GALNS: variants seen among roughly 807,000 people sequenced by gnomAD.
The protein encoded by GALNS is galactosamine (N-acetyl)-6-sulfatase.
Under a neutral mutation model 65.9 loss-of-function variants are expected in GALNS, and 65 were observed. The ratio of observed to expected loss-of-function variants is 0.99; its 90% CI spans 0.81 to 1.21. The LOEUF (loss-of-function observed/expected upper bound fraction) is 1.21, where lower values mean the gene tolerates loss of function less well. Among genes scored for constraint, GALNS ranks in the 50% most tolerant of loss-of-function variants. The probability of loss-of-function intolerance (pLI) is 0.00; values close to 1 mark genes in which losing one functional copy is unlikely to be tolerated. For missense variants in GALNS, 776 were observed against 700.7 expected (o/e 1.11, Z -1.21); for synonymous variants, 346 against 288.9 (o/e 1.20, Z -2.00).
chr16:88,848,706 G>A (rs1180866225), intron 1 of GALNS, among the ~76,000 whole-genome samples: 1 of 152,178 alleles, frequency 6.6e-6, no homozygotes, highest in African/African-American at 2.4e-5. Flanking sequence ...CAGCAGCCTC[G>A]GGGCCTGTGT....
chr16:88,854,768 T>C (rs1322223839), intron 1 of GALNS, among the ~76,000 whole-genome samples: 3 of 152,246 alleles, frequency 2.0e-5, no homozygotes, highest in Non-Finnish European at 2.9e-5. Flanking sequence ...GCGGCCCTGG[T>C]CTGTCGACTC....
At chr16:88,814,625 ACTCT>A (rs1363846453) in intron 13 of GALNS, 100 bp from the exon 14 acceptor site, 35 of 1,534,838 alleles carry the variant, frequency 2.3e-5, no homozygotes, top group Admixed American at 7.9e-5. Context: ...AGACAGTCTC[ACTCT>A]GTCACCCAGG....
rs370029645 is a variant in GALNS at position 88,816,677 on chromosome 16, G to A, written c.1482+1330C>T. 167 of 985,416 alleles carry A rather than the reference G, an allele frequency of 1.7e-4. No individual in the cohort carries two copies. In the East Asian group the frequency reaches 6.9e-3, roughly 41 times the overall value. The allele number at this position is 985,416 out of a possible 1,614,324, so 61.0% of individuals were successfully genotyped here. A position where few individuals can be genotyped will look rare whatever the true frequency, so the allele number is the denominator to read the frequency against. The stretch of plus-strand genomic sequence containing the variant: ...TGGCCGGTGCTCTCCTGTTACATCC[G>A]CCGGCCCACGCTGTGGCTCCCTGGC... On this transcript the variant is annotated intron_variant, in intron 13 of 13. Coordinates refer to ENST00000268695, the MANE Select transcript of GALNS (RefSeq NM_000512.5).
chr16:88,844,694 T>G (rs1597587498), intron 1 of GALNS: 1 of 152,330 alleles, frequency 6.6e-6, no homozygotes, highest in East Asian at 1.9e-4. Context: ...AACGACCAAG[T>G]TCACAGGCCC....
chr16:88,853,670 C>T (rs571064035), intron 1 of GALNS, among the ~76,000 whole-genome samples: 1 of 152,344 alleles, frequency 6.6e-6, no homozygotes, highest in East Asian at 1.9e-4. Context: ...CACCTGTCTC[C>T]AAGGCCCCAG....
intron 11 of GALNS, 35 bp downstream of exon 11, chr16:88,824,732 C>G: frequency 1.3e-6 from 2 of 1,570,066 alleles, no homozygotes; most frequent in Non-Finnish European, 1.8e-6. Context: ...GAGATGGGGG[C>G]AGCTCCGCCT....
intron 10 of GALNS, among the ~76,000 whole-genome samples, chr16:88,825,630 G>A (rs1188751541): frequency 6.6e-6 from 1 of 152,012 alleles, no homozygotes; most frequent in Non-Finnish European, 1.5e-5. Flanking sequence ...CGGGGCTAGG[G>A]TGCCTGGGCG....
intron 8 of GALNS, among the ~76,000 whole-genome samples, chr16:88,834,392 C>CT (rs1911857632): frequency 1.4e-5 from 1 of 69,938 alleles, no homozygotes; most frequent in Non-Finnish European, 2.9e-5. Context: ...GGCTGCAGGG[C>CT]CCCCCCGCGT....
rs1002791538 is a variant in GALNS, at chr16:88,835,967, G to A, written c.634-118C>T. On this transcript the variant is annotated intron_variant, in intron 6 of 13. Coordinates refer to ENST00000268695, the MANE Select transcript of GALNS (RefSeq NM_000512.5). The stretch of plus-strand genomic sequence containing the variant: ...GTTGGTGCGGTCCCCGTCCCCACGC[G>A]TCCCACGGGGCAAGGTTGGTGCGGT... The A allele has an allele frequency of 4.6e-5, 69 of 1,489,140 alleles. No individual in the cohort carries two copies. The African/African-American group carries it at 4.8e-4, about 10-fold the overall frequency. The allele number at this position is 1,489,140 out of a possible 1,614,324, so 92.2% of individuals were successfully genotyped here. A position where few individuals can be genotyped will look rare whatever the true frequency, so the allele number is the denominator to read the frequency against.
intron 8 of GALNS, 93 bp downstream of exon 8, chr16:88,835,120 C>A: frequency 6.7e-7 from 1 of 1,497,286 alleles, no homozygotes; most frequent in Non-Finnish European, 9.1e-7. Flanking sequence ...CATGCTCTGC[C>A]CACCACAGAC....
Position 88,840,549 on chromosome 16 carries a change from T to TC in GALNS, c.422+442dup, listed in dbSNP as rs1017725725. The TC allele has an allele frequency of 1.6e-5, 5 of 308,118 alleles. No homozygotes were observed. In the Admixed American group the frequency reaches 2.3e-4, roughly 14 times the overall value. The allele number at this position is 308,118 out of a possible 1,614,324, so 19.1% of individuals were successfully genotyped here. ...TTCATCAACTGCTAGGCTGTTACTC[T>TC]CCTTCCTGGTGGCTTCTTTGTGGTT... On this transcript the variant is annotated intron_variant, in intron 4 of 13. Coordinates refer to ENST00000268695, the MANE Select transcript of GALNS (RefSeq NM_000512.5).
chr16:88,848,472 A>G (rs879430136), intron 1 of GALNS, among the ~76,000 whole-genome samples: 1 of 152,046 alleles, frequency 6.6e-6, no homozygotes, highest in Non-Finnish European at 1.5e-5. Context: ...TCTCTACCAA[A>G]AATACAAAAA....
Position 88,832,072 on chromosome 16 carries a change from TCC to T in GALNS, c.926_927del (p.Gly309GlufsTer6). ...ATCCCTCCTTCAAACGTGGTCTGCTTCCCACACAGAAAGGGGCCGTTGCTGCC... is the reference window on the plus strand; with the variant it reads ...ATCCCTCCTTCAAACGTGGTCTGCTTCACACAGAAAGGGGCCGTTGCTGCC... Reference protein sequence around the residue: ...QGGSNGPFLCGKQTTFEGGMR... With the variant: ...QGGSNGPFLCXKQTTFEGGMR... On this transcript the variant is annotated frameshift_variant, in exon 9 of 14. Transcript: ENST00000268695. LOFTEE classifies it high-confidence loss of function. The T allele has an allele frequency of 6.2e-7, 1 of 1,613,846 alleles. No individual in the cohort carries two copies. The highest frequency in any genetic ancestry group is 8.5e-7 in the Non-Finnish European group (1 of 1,179,904).
At chr16:88,815,370 C>T (rs1210788347) in intron 13 of GALNS, 113 of 985,348 alleles carry the variant, frequency 1.1e-4, no homozygotes, top group Non-Finnish European at 1.3e-4. Context: ...CAGCTTCAGC[C>T]TCTCAAGAAG....
chr16:88,836,152 C>T, intron 6 of GALNS, 49 bp downstream of exon 6: 1 of 1,552,594 alleles, frequency 6.4e-7, no homozygotes, highest in Non-Finnish European at 8.9e-7. Flanking sequence ...TTGGTGCGGT[C>T]CCCGTCCCCA....
intron 13 of GALNS, chr16:88,815,520 T>C: frequency 1.0e-6 from 1 of 985,436 alleles, no homozygotes; most frequent in Non-Finnish European, 1.2e-6. Flanking sequence ...CCTTGCTTGA[T>C]GGGAGGGCAC....
chr16:88,827,226 G>A (rs1198936547), intron 9 of GALNS: 2 of 259,486 alleles, frequency 7.7e-6, no homozygotes, highest in Non-Finnish European at 1.5e-5. Context: ...AGAGGAGCAG[G>A]TGGAGAAAAA....
intron 13 of GALNS, chr16:88,815,991 A>T (rs755861653): frequency 2.2e-5 from 22 of 985,152 alleles, no homozygotes; most frequent in Non-Finnish European, 2.5e-5. Context: ...GTTGGCGGGG[A>T]CAGAGGGCAG....
intron 9 of GALNS, among the ~76,000 whole-genome samples, chr16:88,830,256 AC>A (rs66624518): frequency 0.038 from 5,306 of 139,104 alleles, 814 homozygotes; most frequent in African/African-American, 0.16. Flanking sequence ...AAAAAAAAAA[AC>A]GTGGAACAGG....
Sources: gnomAD v4.1 joint callset for allele counts (sites outside exome capture counted in the v4.1 genomes callset) on GRCh38, gnomAD v4.1.1 for gene constraint, MANE v1.5 for transcripts, NCBI Gene and HGNC (gene_info 2026-07-23, HGNC 2026-07-21) for gene names.